The following CCDC77 variants were observed in gnomAD, a reference collection of about 807,000 sequenced individuals.
CCDC77 encodes coiled-coil domain containing 77.
A neutral mutation model predicts 66.8 loss-of-function variants in CCDC77; 56 were observed. The observed-to-expected ratio is 0.84, with a 90% CI of 0.68 to 1.05. CCDC77 has a LOEUF of 1.05. CCDC77 is among the 50% of genes least tolerant of loss of function. The pLI is 0.00. For missense variants in CCDC77, 570 were observed against 576.8 expected (o/e 0.99, Z 0.12); for synonymous variants, 196 against 195.2 (o/e 1.00, Z -0.03).
chr12:404,824 G>T (rs574593048), intron 1 of CCDC77, among the ~76,000 whole-genome samples: 1 of 151,134 alleles, frequency 6.6e-6, no homozygotes, highest in Non-Finnish European at 1.5e-5. Context: ...CCAGGTTCAA[G>T]CAATTCTCCT....
At chr12:433,604 C>G in intron 9 of CCDC77, 1 of 430,156 alleles carries the variant, frequency 2.3e-6, no homozygotes. Context: ...TGCAGTGGCT[C>G]ACGCCTGTAA....
At position 411,849 on chromosome 12, in the gene CCDC77, T is replaced by C; in HGVS notation, c.141T>C (p.Asp47=). Reference sequence around the variant, plus strand: ...CAACCCCCTTGCCTTCCCCCGAAGATCGTCTGGCCAAACTCCATCCTTCTA... The same window carrying C: ...CAACCCCCTTGCCTTCCCCCGAAGACCGTCTGGCCAAACTCCATCCTTCTA... ...LESTPLPSPE[D]RLAKLHPSKE... is the part of the protein sequence containing the mutation. The change falls in exon 4 of 13, where the codon GAT becomes GAC. Residue 47 remains aspartate, a synonymous_variant. Transcript: ENST00000239830. The C allele has an allele frequency of 6.2e-7, 1 of 1,613,848 alleles. No homozygotes were observed. Among genetic ancestry groups the C allele is most frequent in the Non-Finnish European group, 8.5e-7 (1 of 1,179,986 alleles).
chr12:395,698 A>G (rs1229576497), intron 1 of CCDC77, among the ~76,000 whole-genome samples: 1 of 152,180 alleles, frequency 6.6e-6, no homozygotes. Flanking sequence ...GTTCGACACC[A>G]GAGTGGCCAA....
chr12:408,443 G>A (rs559077694), intron 2 of CCDC77, among the ~76,000 whole-genome samples: 3 of 152,096 alleles, frequency 2.0e-5, no homozygotes, highest in South Asian at 4.1e-4. Context: ...GAGAAAGTAC[G>A]CGAAATAAAG....
chr12:414,631 G>A (rs1055048204), intron 4 of CCDC77, among the ~76,000 whole-genome samples: 1 of 151,588 alleles, frequency 6.6e-6, no homozygotes, highest in Non-Finnish European at 1.5e-5. Flanking sequence ...TTCCCCACCC[G>A]CACATGTACT....
intron 1 of CCDC77, among the ~76,000 whole-genome samples, chr12:404,230 C>G (rs552588489): frequency 6.6e-6 from 1 of 152,208 alleles, no homozygotes. Context: ...GCAGGAGAAT[C>G]ACTTGAACCC....
chr12:412,579 G>A (rs1176015393), intron 4 of CCDC77, among the ~76,000 whole-genome samples: 1 of 152,204 alleles, frequency 6.6e-6, no homozygotes, highest in African/African-American at 2.4e-5. Flanking sequence ...CTGGATGCCA[G>A]TAACACAACA....
intron 1 of CCDC77, among the ~76,000 whole-genome samples, chr12:402,246 A>G (rs1034187782): frequency 2.0e-5 from 3 of 152,226 alleles, no homozygotes; most frequent in African/African-American, 7.2e-5. Context: ...GAGGCAATGA[A>G]GAGTAAGACG....
chr12:396,735 G>A (rs1336530769), upstream of CCDC77, among the ~76,000 whole-genome samples: 1 of 152,166 alleles, frequency 6.6e-6, no homozygotes, highest in Non-Finnish European at 1.5e-5. Context: ...GGAAGAGTGT[G>A]AACTGAAGCT....
chr12:397,834 G>A (rs1443622234), upstream of CCDC77, among the ~76,000 whole-genome samples: 1 of 152,104 alleles, frequency 6.6e-6, no homozygotes, highest in Non-Finnish European at 1.5e-5. Context: ...TTTTAGTAGA[G>A]ATGGGGTTTC....
chr12:389,571 C>CGAGACGGGGCGAGGCGG (rs57308009), intron 1 of CCDC77: 1 of 223,056 alleles, frequency 4.5e-6, no homozygotes, highest in African/African-American at 2.4e-5. Context: ...GGGCGAGGCG[C>CGAGACGGGGCGAGGCGG]AACGAGGCGG....
chr12:428,533 A>C (rs1945580594), intron 5 of CCDC77, among the ~76,000 whole-genome samples: 1 of 150,782 alleles, frequency 6.6e-6, no homozygotes, highest in Admixed American at 6.6e-5. Flanking sequence ...AAAAAAAAAA[A>C]AAAGAATTAG....
upstream of CCDC77, among the ~76,000 whole-genome samples, chr12:397,403 T>C (rs1462709029): frequency 6.6e-6 from 1 of 152,164 alleles, no homozygotes; most frequent in African/African-American, 2.4e-5. Context: ...AAGATATTAA[T>C]GTAATTAACA....
In CCDC77 at chr12:409,120, G is replaced by A. The variant is rs533957788; in HGVS notation, c.-16-248G>A. ...CTTGGAAGGCTGAGGCAGGAGAATC[G>A]CTTGAACCCAGAAGGCAGAGGTTGC... On this transcript the variant is annotated intron_variant, in intron 2 of 12. Transcript: ENST00000239830. Among the ~76,000 whole-genome samples the A allele has an allele frequency of 9.3e-5, 14 of 151,104 alleles. No individual in the cohort carries two copies. The South Asian group carries it at 2.7e-3, about 29-fold the overall frequency.
chr12:426,398 GGTA>G (rs1439969498), intron 5 of CCDC77, among the ~76,000 whole-genome samples: 2 of 152,016 alleles, frequency 1.3e-5, no homozygotes, highest in African/African-American at 4.8e-5. Flanking sequence ...GGACCTACTG[GGTA>G]GTAGTCTACT....
At chr12:392,072 G>C (rs754060399) in intron 1 of CCDC77, among the ~76,000 whole-genome samples, 1 of 152,106 alleles carries the variant, frequency 6.6e-6, no homozygotes, top group South Asian at 2.1e-4. Context: ...GTTAAACTGA[G>C]TCAATAGTAT....
intron 1 of CCDC77, 77 bp downstream of exon 1, chr12:401,761 T>C (rs1944901387): frequency 2.0e-5 from 3 of 152,760 alleles, no homozygotes; most frequent in African/African-American, 7.2e-5. Flanking sequence ...TAGGGAGAAG[T>C]AACTGCGGAA....
At chr12:399,448 A>G (rs911153773), upstream of CCDC77, among the ~76,000 whole-genome samples, 6 of 152,124 alleles carry the variant, frequency 3.9e-5, no homozygotes, top group Non-Finnish European at 5.9e-5. Context: ...GGGATTACAG[A>G]TGTGAGCCAC....
intron 2 of CCDC77, among the ~76,000 whole-genome samples, chr12:407,782 ATTT>A (rs386375348): frequency 6.0e-5 from 6 of 100,432 alleles, no homozygotes; most frequent in African/African-American, 1.2e-4. Flanking sequence ...AGGACTGAAG[ATTT>A]TTTTTTTTTT....
Sources: gnomAD v4.1 joint callset for allele counts (sites outside exome capture counted in the v4.1 genomes callset) on GRCh38, gnomAD v4.1.1 for gene constraint, MANE v1.5 for transcripts, NCBI Gene and HGNC (gene_info 2026-07-23, HGNC 2026-07-21) for gene names.